DOT1L: variants seen among roughly 807,000 people sequenced by gnomAD.
DOT1L encodes the protein histone-lysine N-methyltransferase, H3 lysine-79 specific.
DOT1L carries 33 observed loss-of-function variants against 153.3 expected under a neutral mutation model. The observed-to-expected ratio is 0.22, with a 90% CI of 0.16 to 0.29. The LOEUF (loss-of-function observed/expected upper bound fraction) is 0.29. DOT1L is among the 10% of genes least tolerant of loss of function. DOT1L has a pLI of 1.00. For missense variants in DOT1L, 1,847 were observed against 2,119.9 expected (o/e 0.87, Z 2.53); for synonymous variants, 1,135 against 965.1 (o/e 1.18, Z -3.26).
Position 2,211,108 on chromosome 19 carries a change from G to A in DOT1L, c.1361G>A (p.Arg454Lys). The A allele has an allele frequency of 6.2e-7, 1 of 1,612,772 alleles. No individual in the cohort carries two copies. The highest frequency in any genetic ancestry group is 8.5e-7 in the Non-Finnish European group (1 of 1,179,576). The stretch of plus-strand genomic sequence containing the variant: ...CCCTCCGCTCTCCCAGATGCCTACA[G>A]ATCCCCTCACAGCCCGTTCTACCAG... ...TAASSPQDAY[R>K]SPHSPFYQLP... Residue 454 changes from arginine to lysine, a missense_variant, in exon 15 of 28, where the codon AGA (arginine) becomes AAA (lysine). By Grantham distance (26) the Arg-to-Lys change is conservative. Transcript: ENST00000398665.
Position 2,231,196 on chromosome 19 carries a change from C to T in DOT1L, c.*1404C>T, listed in dbSNP as rs902963109. 8 of 227,996 alleles carry T rather than the reference C, an allele frequency of 3.5e-5. No homozygotes were observed. The highest frequency in any genetic ancestry group is 7.0e-5 in the Non-Finnish European group (8 of 114,748). 14.1% of individuals were successfully genotyped at this position (227,996 alleles called of 1,614,324 possible). ...AGGATGGGATCTGGGAGTCTGAGCT[C>T]CCCGCATCTGGCCCTGGGCTGTGTG... On this transcript the variant is annotated 3_prime_UTR_variant, in exon 28 of 28. Coordinates refer to ENST00000398665, the MANE Select transcript of DOT1L (RefSeq NM_032482.3).
At position 2,210,692 on chromosome 19, in the gene DOT1L, G is replaced by C; in HGVS notation, c.1188G>C (p.Lys396Asn). 6.2e-7 allele frequency: 1 copy of C among 1,613,178 alleles called. No individual in the cohort carries two copies. The highest frequency in any genetic ancestry group is 8.5e-7 in the Non-Finnish European group (1 of 1,179,976). ...VKKPSPSKAR[K>N]KKLNKKGRKM... is the part of the protein sequence containing the mutation. ...AGCCGTCTCCCTCCAAAGCCCGCAA[G>C]AAGAAGCTAAACAAGAAGGGGAGGA... Residue 396 changes from lysine to asparagine, a missense_variant, in exon 14 of 28, where the codon AAG (lysine) becomes AAC (asparagine). Physicochemically the swap from Lys to Asn is moderately conservative, Grantham distance 94. Coordinates refer to ENST00000398665, the MANE Select transcript of DOT1L (RefSeq NM_032482.3).
intron 7 of DOT1L, among the ~76,000 whole-genome samples, chr19:2,199,474 T>C (rs2023155032): frequency 6.6e-6 from 1 of 152,222 alleles, no homozygotes; most frequent in African/African-American, 2.4e-5. Context: ...CCCAGCATGG[T>C]GGGGACTGCA....
chr19:2,174,638 A>G (rs2021819584), intron 1 of DOT1L, among the ~76,000 whole-genome samples: 1 of 151,850 alleles, frequency 6.6e-6, no homozygotes, highest in Admixed American at 6.6e-5. Context: ...TTCTTTTTTT[A>G]GAGATGGGGT....
In DOT1L at chr19:2,204,273, ATG is replaced by A. The variant is rs1353525008; in HGVS notation, c.787+1498_787+1499del. 3.4e-5 allele frequency among the ~76,000 whole-genome samples: 5 copies of A among 148,452 alleles called. No individual in the cohort carries two copies. Among genetic ancestry groups the A allele is most frequent in the Non-Finnish European group, 5.9e-5 (4 of 67,320 alleles). On this transcript the variant is annotated intron_variant, in intron 9 of 27. Coordinates refer to ENST00000398665, the MANE Select transcript of DOT1L (RefSeq NM_032482.3). The surrounding 1 kb of genome is among the most constrained non-coding windows in gnomAD (Gnocchi z 5.7). ...TGCCCGTGTGCCTCCGTGTCTATGTATGTGTCTGCTTGTTTGTCTGTGTGTGT... is the reference window on the plus strand; with the variant it reads ...TGCCCGTGTGCCTCCGTGTCTATGTATGTCTGCTTGTTTGTCTGTGTGTGT...
chr19:2,224,750 C>A, intron 25 of DOT1L, among the ~76,000 whole-genome samples: 1 of 152,154 alleles, frequency 6.6e-6, no homozygotes, highest in African/African-American at 2.4e-5. Context: ...CACAGCCGGC[C>A]CTAAGTGTGC....
intron 3 of DOT1L, among the ~76,000 whole-genome samples, chr19:2,187,896 TGGGTGACAGAGC>T (rs1284674072): frequency 2.2e-5 from 3 of 136,242 alleles, no homozygotes; most frequent in Non-Finnish European, 1.5e-5. Context: ...CACTCCAGCC[TGGGTGACAGAGC>T]GAGACTCCAT....
chr19:2,216,343 T>C lies in DOT1L; in HGVS notation c.1986T>C (p.Cys662=). The change falls in exon 20 of 28, where the codon TGT becomes TGC. Residue 662 remains cysteine (C), a synonymous_variant. Transcript: ENST00000398665. ...RQQELLQLKS[C]VPPDDALSLH... Reference sequence around the variant, plus strand: ...AGGAGCTCCTGCAGCTCAAGTCCTGTGTGCCGCCTGACGACGCCCTGTCCC... The same window carrying C: ...AGGAGCTCCTGCAGCTCAAGTCCTGCGTGCCGCCTGACGACGCCCTGTCCC... The C allele has an allele frequency of 6.2e-7, 1 of 1,608,288 alleles. No individual in the cohort carries two copies. Among genetic ancestry groups the C allele is most frequent in the Non-Finnish European group, 8.5e-7 (1 of 1,176,546 alleles).
At chr19:2,179,073 T>C (rs1036750998) in intron 1 of DOT1L, among the ~76,000 whole-genome samples, 3 of 150,070 alleles carry the variant, frequency 2.0e-5, no homozygotes, top group Non-Finnish European at 4.5e-5. Context: ...TAAGGAAAGC[T>C]GGGGGGGGGT....
At chr19:2,180,637 G>C in intron 1 of DOT1L, 76 bp from the exon 2 acceptor site, 4 of 1,569,930 alleles carry the variant, frequency 2.5e-6, no homozygotes, top group Non-Finnish European at 3.5e-6. Context: ...TGACGGCATC[G>C]CTTGTCCGGG....
intron 27 of DOT1L, chr19:2,229,580 T>A: frequency 1.0e-6 from 1 of 985,466 alleles, no homozygotes; most frequent in Non-Finnish European, 1.2e-6. Context: ...GGCCGGCGTG[T>A]CCAGGTGTCA....
chr19:2,206,233 G>C lies in DOT1L; in HGVS notation c.788-496G>C, dbSNP rs548762455. 1.2e-4 allele frequency among the ~76,000 whole-genome samples: 18 copies of C among 152,220 alleles called. No homozygotes were observed. In the East Asian group the frequency reaches 3.3e-3, roughly 28 times the overall value. On this transcript the variant is annotated intron_variant, in intron 9 of 27. Coordinates refer to ENST00000398665, the MANE Select transcript of DOT1L (RefSeq NM_032482.3). ...CAGGCTGGCCTCGGGTGATCCACCT[G>C]CCTCAGCCTCCCAAAGTGCTGGGAT...
intron 8 of DOT1L, among the ~76,000 whole-genome samples, chr19:2,201,748 C>T (rs768115500): frequency 9.2e-5 from 14 of 152,346 alleles, no homozygotes; most frequent in Non-Finnish European, 1.6e-4. Context: ...TCTGGCGTCC[C>T]GTTGACATCT....
At chr19:2,185,431 G>T (rs2022450018) in intron 2 of DOT1L, among the ~76,000 whole-genome samples, 1 of 152,178 alleles carries the variant, frequency 6.6e-6, no homozygotes, top group Non-Finnish European at 1.5e-5. Context: ...TTGAGTGGAG[G>T]GGTAAGGATG....
rs370064361 is a variant in DOT1L, at chr19:2,213,728, T to A, written c.1659+88T>A. 7.7e-5 allele frequency: 123 copies of A among 1,601,830 alleles called. No individual in the cohort carries two copies. The African/African-American group carries it at 1.3e-3, about 17-fold the overall frequency. On this transcript the variant is annotated intron_variant, in intron 17 of 27. Transcript: ENST00000398665. Reference sequence around the variant, plus strand: ...TCCGTCGGTATGGCTTCCTGTGGCTTCCTGTCTATGCCTCTGTCCAGCTGT... The same window carrying A: ...TCCGTCGGTATGGCTTCCTGTGGCTACCTGTCTATGCCTCTGTCCAGCTGT...
rs2022710375 is a variant in DOT1L, at chr19:2,189,811, C to G, written c.264+16C>G. 6.2e-7 allele frequency: 1 copy of G among 1,611,406 alleles called. No homozygotes were observed. The highest frequency in any genetic ancestry group is 1.7e-5 in the Admixed American group (1 of 60,010). On this transcript the variant is annotated intron_variant, in intron 4 of 27. Coordinates refer to ENST00000398665, the MANE Select transcript of DOT1L (RefSeq NM_032482.3). ...CCACCAGCTGGTAGGTGGCTTGCCCCTGCCCAGAGGGGGTTAGTAGTGCCA... is the reference window on the plus strand; with the variant it reads ...CCACCAGCTGGTAGGTGGCTTGCCCGTGCCCAGAGGGGGTTAGTAGTGCCA...
intron 3 of DOT1L, among the ~76,000 whole-genome samples, chr19:2,187,242 G>A (rs1428956791): frequency 6.6e-6 from 1 of 152,242 alleles, no homozygotes; most frequent in Non-Finnish European, 1.5e-5. Flanking sequence ...GGGTGTTGTC[G>A]GGCTGAGCCC....
At position 2,226,668 on chromosome 19, in the gene DOT1L, G is replaced by C; in HGVS notation, c.4147G>C (p.Gly1383Arg). 1 of 1,577,364 alleles carries C rather than the reference G, an allele frequency of 6.3e-7. No individual in the cohort carries two copies. The highest frequency in any genetic ancestry group is 8.6e-7 in the Non-Finnish European group (1 of 1,165,662). The change falls in exon 27 of 28, where the codon GGC becomes CGC. Residue 1383 changes from glycine to arginine, a missense_variant. Gly to Arg is a moderately radical substitution (Grantham distance 125). Coordinates refer to ENST00000398665, the MANE Select transcript of DOT1L (RefSeq NM_032482.3). ...LDGLAGLKGE[G>R]SRGKEAGEGG... ...CGGCCTGGCTGGGCTGAAGGGCGAGGGCAGCCGCGGCAAGGAGGCAGGGGA... is the reference window on the plus strand; with the variant it reads ...CGGCCTGGCTGGGCTGAAGGGCGAGCGCAGCCGCGGCAAGGAGGCAGGGGA...
intron 27 of DOT1L, 173 bp downstream of exon 27, chr19:2,227,300 G>A (rs1335382271): frequency 2.3e-6 from 2 of 859,294 alleles, no homozygotes; most frequent in Non-Finnish European, 4.0e-6. Context: ...GTGGGGAGAG[G>A]GCTCACGCTG....
Sources: allele counts gnomAD v4.1 joint callset (sites outside exome capture counted in the v4.1 genomes callset), GRCh38; gene constraint gnomAD v4.1.1; non-coding constraint Gnocchi (gnomAD v3.1); transcripts MANE v1.5; gene names NCBI Gene and HGNC (gene_info 2026-07-23, HGNC 2026-07-21).